The following PLCZ1 variants were observed in gnomAD, a reference collection of about 807,000 sequenced individuals.
The protein encoded by PLCZ1 is phospholipase C zeta 1.
PLCZ1 carries 64 observed loss-of-function variants against 76.8 expected under a neutral mutation model. The ratio of observed to expected loss-of-function variants is 0.83; its 90% CI spans 0.68 to 1.03. The LOEUF (loss-of-function observed/expected upper bound fraction) is 1.03. PLCZ1 is among the 50% of genes least tolerant of loss of function. PLCZ1 has a pLI of 0.00. For missense variants in PLCZ1, 751 were observed against 713.7 expected, an observed-to-expected ratio of 1.05 and a Z score of -0.60; for synonymous variants, 248 against 230.8, an observed-to-expected ratio of 1.07 and a Z score of -0.68.
intron 12 of PLCZ1, chr12:18,693,129 G>A: frequency 6.6e-7 from 1 of 1,517,814 alleles, no homozygotes; most frequent in Non-Finnish European, 9.1e-7. Context: ...GATCATTGAT[G>A]ACAATCATGC....
chr12:18,699,058 C>T (rs1175795346), intron 10 of PLCZ1, among the ~76,000 whole-genome samples: 2 of 152,080 alleles, frequency 1.3e-5, no homozygotes, highest in African/African-American at 4.8e-5. Flanking sequence ...TCTCAGGCCC[C>T]GTTTTACCTT....
intron 9 of PLCZ1, among the ~76,000 whole-genome samples, chr12:18,700,512 C>CAAAAAAAAAAAAAAAAAAAAAAAAAAAAA (rs11324526): frequency 1.5e-5 from 1 of 67,896 alleles, no homozygotes; most frequent in Non-Finnish European, 2.5e-5. Flanking sequence ...AGCCAACGTA[C>CAAAAAAAAAAAAAAAAAAAAAAAAAAAAA]AAAAAAAAAA....
the PLCZ1 span, among the ~76,000 whole-genome samples, chr12:18,650,664 A>AT: frequency 1.4e-4 from 5 of 35,594 alleles, no homozygotes; most frequent in Admixed American, 3.7e-4. Flanking sequence ...TGGAATATAA[A>AT]TGTGTGTGTG....
At chr12:18,647,997 A>C in the PLCZ1 span, 1 of 1,600,202 alleles carries the variant, frequency 6.2e-7, no homozygotes. Context: ...GATAAAGAAA[A>C]ATGGTATCCA....
intron 7 of PLCZ1, among the ~76,000 whole-genome samples, chr12:18,704,479 C>T (rs977097889): frequency 2.6e-5 from 4 of 152,020 alleles, no homozygotes; most frequent in South Asian, 2.1e-4. Context: ...GTGGATGCCA[C>T]GACACCCAGC....
chr12:18,685,619 T>C (rs1391709043), intron 13 of PLCZ1: 3 of 516,568 alleles, frequency 5.8e-6, no homozygotes, highest in Non-Finnish European at 1.2e-5. Flanking sequence ...AATAGTAAAC[T>C]AATTGGCTCA....
chr12:18,731,533 C>CTTTTT (rs34568267), intron 3 of PLCZ1, among the ~76,000 whole-genome samples: 136 of 94,262 alleles, frequency 1.4e-3, no homozygotes, highest in Non-Finnish European at 1.9e-3. Context: ...AATAAGCTGT[C>CTTTTT]TTTTTTTTTT....
intron 6 of PLCZ1, among the ~76,000 whole-genome samples, chr12:18,706,244 A>T (rs1376441920): frequency 7.3e-6 from 1 of 136,582 alleles, no homozygotes; most frequent in Admixed American, 7.2e-5. Context: ...AAATAAAAAT[A>T]AAAAAAAAAA....
At chr12:18,734,343 TTTG>T (rs747838079) in intron 3 of PLCZ1, among the ~76,000 whole-genome samples, 9 of 151,818 alleles carry the variant, frequency 5.9e-5, no homozygotes, top group Admixed American at 1.3e-4. Flanking sequence ...AGTAGTTGTT[TTTG>T]TTGTTGTTGT....
rs1478632259 is a variant in PLCZ1, at chr12:18,684,288, T to A, written c.1592-9A>T. The A allele has an allele frequency of 6.3e-7, 1 of 1,594,460 alleles. No homozygotes were observed. Among genetic ancestry groups the A allele is most frequent in the East Asian group, 2.2e-5 (1 of 44,636 alleles). ...CCATCTTGGACTAAAAGCTGAAATATAAAAAAAGAAGATACAAAGAATAAT... is the reference window on the plus strand; with the variant it reads ...CCATCTTGGACTAAAAGCTGAAATAAAAAAAAAGAAGATACAAAGAATAAT... On this transcript the variant is annotated splice_polypyrimidine_tract_variant and intron_variant, in intron 13 of 14. Coordinates refer to ENST00000266505, the MANE Select transcript of PLCZ1 (RefSeq NM_033123.4).
chr12:18,695,626 T>C (rs1954863128), intron 11 of PLCZ1, among the ~76,000 whole-genome samples: 1 of 151,808 alleles, frequency 6.6e-6, no homozygotes, highest in Non-Finnish European at 1.5e-5. Context: ...CCTACAGGCC[T>C]TGCCACAATC....
chr12:18,685,604 A>C (rs760533776), intron 13 of PLCZ1: 2 of 515,774 alleles, frequency 3.9e-6, no homozygotes, highest in Non-Finnish European at 7.7e-6. Context: ...GTCTATGCCC[A>C]CAGAAATAGT....
the PLCZ1 span, among the ~76,000 whole-genome samples, chr12:18,651,666 G>C: frequency 6.6e-6 from 1 of 152,092 alleles, no homozygotes; most frequent in Non-Finnish European, 1.5e-5. Context: ...GGAACTTCCG[G>C]CCTGAACAGC....
chr12:18,693,321 G>T lies in PLCZ1; in HGVS notation c.1461+1589C>A, dbSNP rs151299245. 1.2e-4 allele frequency: 185 copies of T among 1,546,316 alleles called. 1 individual carries two copies. The African/African-American group carries it at 2.4e-3, about 20-fold the overall frequency. On this transcript the variant is annotated intron_variant, in intron 12 of 14. Transcript: ENST00000266505. ...GATGAAGGTGGAAAAGGCCCCCCAA[G>T]AGACCTATGCAGATACTGGGGGGTT... is the stretch of plus-strand genomic sequence containing the variant.
chr12:18,701,596 C>A, intron 8 of PLCZ1, 28 bp from the exon 9 acceptor site: 3 of 1,609,154 alleles, frequency 1.9e-6, no homozygotes, highest in Non-Finnish European at 2.5e-6. Context: ...ACTTCTGATT[C>A]TTTGAATTTA....
At chr12:18,699,986 C>A in intron 9 of PLCZ1, 36 bp from the exon 10 acceptor site, 2 of 1,580,488 alleles carry the variant, frequency 1.3e-6, no homozygotes, top group Non-Finnish European at 1.7e-6. Context: ...CATTTTTATG[C>A]TAATCATTGG....
the PLCZ1 span, among the ~76,000 whole-genome samples, chr12:18,656,152 G>A: frequency 2.6e-5 from 4 of 152,086 alleles, no homozygotes; most frequent in Admixed American, 1.3e-4. Context: ...AAATATGCTG[G>A]GCACAGTGGC....
At chr12:18,693,354 C>G in intron 12 of PLCZ1, 2 of 1,597,724 alleles carry the variant, frequency 1.3e-6, no homozygotes, top group Non-Finnish European at 1.7e-6. Context: ...GTTGGACAAC[C>G]AAATTCGGGA....
At chr12:18,662,327 A>G in the PLCZ1 span, among the ~76,000 whole-genome samples, 10 of 152,048 alleles carry the variant, frequency 6.6e-5, no homozygotes, top group African/African-American at 2.4e-4. Context: ...TTTAAGTACA[A>G]TTTTTAAAAA....
Sources: gnomAD v4.1 joint callset for allele counts (sites outside exome capture counted in the v4.1 genomes callset) on GRCh38, gnomAD v4.1.1 for gene constraint, MANE v1.5 for transcripts, NCBI Gene and HGNC (gene_info 2026-07-23, HGNC 2026-07-21) for gene names.